ZC2HC1A: variants seen among roughly 807,000 people sequenced by gnomAD.
The protein encoded by ZC2HC1A is zinc finger C2HC domain-containing protein 1A.
A neutral mutation model predicts 40.7 loss-of-function variants in ZC2HC1A; 28 were observed. That is an observed-to-expected ratio of 0.69 (90% CI 0.51 to 0.94). The LOEUF is 0.94. Ranked by LOEUF, ZC2HC1A falls within the 40% of genes least tolerant of loss-of-function variation. ZC2HC1A has a pLI of 0.00. For synonymous variants in ZC2HC1A, 129 were observed against 129.2 expected (o/e 1.00, Z 0.01); for missense variants, 389 against 386.3 (o/e 1.01, Z -0.06).
intron 5 of ZC2HC1A, among the ~76,000 whole-genome samples, chr8:78,697,091 T>G (rs920859942): frequency 1.3e-5 from 2 of 152,212 alleles, no homozygotes; most frequent in Admixed American, 6.5e-5. Context: ...TTCCTCAATT[T>G]GTATAATTCA....
At chr8:78,710,982 A>T (rs181490072) in intron 7 of ZC2HC1A, among the ~76,000 whole-genome samples, 1 of 152,074 alleles carries the variant, frequency 6.6e-6, no homozygotes, top group African/African-American at 2.4e-5. Flanking sequence ...TCAGACACTA[A>T]ACTCCATAAG....
intron 5 of ZC2HC1A, among the ~76,000 whole-genome samples, chr8:78,690,161 T>G (rs1338946502): frequency 4.0e-5 from 6 of 151,534 alleles, no homozygotes; most frequent in Non-Finnish European, 7.4e-5. Flanking sequence ...TTGATTTATA[T>G]CCCTGTCCTT....
chr8:78,708,506 C>T (rs536042081), intron 7 of ZC2HC1A, among the ~76,000 whole-genome samples: 10 of 151,698 alleles, frequency 6.6e-5, no homozygotes, highest in East Asian at 1.9e-4. Context: ...AGTAAGAACT[C>T]GTCTCCATTA....
At chr8:78,709,131 T>C (rs1331165469) in intron 7 of ZC2HC1A, among the ~76,000 whole-genome samples, 1 of 152,200 alleles carries the variant, frequency 6.6e-6, no homozygotes, top group Non-Finnish European at 1.5e-5. Flanking sequence ...AGTGAAACTA[T>C]CAAATATCAG....
intron 4 of ZC2HC1A, 90 bp downstream of exon 4, chr8:78,686,698 C>T (rs903265747): frequency 8.4e-6 from 11 of 1,304,960 alleles, no homozygotes; most frequent in Admixed American, 6.1e-5. Flanking sequence ...GCTTAACTTA[C>T]AATCATGGAG....
chr8:78,705,684 T>C (rs1357569491), intron 7 of ZC2HC1A, among the ~76,000 whole-genome samples: 1 of 152,132 alleles, frequency 6.6e-6, no homozygotes, highest in Non-Finnish European at 1.5e-5. Flanking sequence ...AACTGCTAAG[T>C]TGCCCAAACA....
chr8:78,709,473 C>A (rs1305399132), intron 7 of ZC2HC1A, among the ~76,000 whole-genome samples: 1 of 152,060 alleles, frequency 6.6e-6, no homozygotes, highest in Non-Finnish European at 1.5e-5. Context: ...TTCCAGACCT[C>A]GGTTTCTTAT....
chr8:78,673,723 A>G (rs561345011), intron 1 of ZC2HC1A, among the ~76,000 whole-genome samples: 1 of 152,288 alleles, frequency 6.6e-6, no homozygotes, highest in African/African-American at 2.4e-5. Flanking sequence ...ATCAACACAC[A>G]TGCACATGCC....
intron 5 of ZC2HC1A, among the ~76,000 whole-genome samples, chr8:78,691,821 T>C (rs542785190): frequency 6.6e-6 from 1 of 151,880 alleles, no homozygotes; most frequent in Non-Finnish European, 1.5e-5. Context: ...GTTTCATATA[T>C]GTAACTCTAG....
At chr8:78,673,222 A>G (rs1217827414) in intron 1 of ZC2HC1A, among the ~76,000 whole-genome samples, 1 of 152,140 alleles carries the variant, frequency 6.6e-6, no homozygotes, top group African/African-American at 2.4e-5. Context: ...AGCTTCATCC[A>G]TGTCCCTGCA....
intron 1 of ZC2HC1A, among the ~76,000 whole-genome samples, chr8:78,674,300 G>A (rs1352779343): frequency 2.0e-5 from 3 of 152,154 alleles, no homozygotes; most frequent in African/African-American, 7.2e-5. Flanking sequence ...TTTTAAGCAA[G>A]TATAATATGT....
At chr8:78,697,607 T>C (rs1355053661) in intron 6 of ZC2HC1A, 101 bp downstream of exon 6, 1 of 829,072 alleles carries the variant, frequency 1.2e-6, no homozygotes, top group Non-Finnish European at 1.9e-6. Flanking sequence ...GATAGATTTA[T>C]AATTAAGAAG....
intron 7 of ZC2HC1A, among the ~76,000 whole-genome samples, chr8:78,704,035 C>T: frequency 6.6e-6 from 1 of 152,094 alleles, no homozygotes; most frequent in East Asian, 1.9e-4. Flanking sequence ...TTCTCCTTCA[C>T]TTATGAAGCT....
chr8:78,700,587 G>T lies in ZC2HC1A; in HGVS notation c.704+2074G>T, dbSNP rs1431660812. 2.0e-5 allele frequency among the ~76,000 whole-genome samples: 3 copies of T among 152,148 alleles called. No homozygotes were observed. The East Asian group carries it at 5.8e-4, about 29-fold the overall frequency. On this transcript the variant is annotated intron_variant, in intron 7 of 8. Coordinates refer to ENST00000263849, the MANE Select transcript of ZC2HC1A (RefSeq NM_016010.3). ...CATTATAAAATCTTTGCTGCTGCCT[G>T]TGCCCTGAATGGTATTGGCTAGGTT... is the stretch of plus-strand genomic sequence containing the variant.
chr8:78,678,690 A>G lies in ZC2HC1A; in HGVS notation c.210+11A>G. The G allele has an allele frequency of 6.4e-7, 1 of 1,571,400 alleles. No individual in the cohort carries two copies. The highest frequency in any genetic ancestry group is 1.9e-5 in the Admixed American group (1 of 52,814). On this transcript the variant is annotated intron_variant, in intron 3 of 8. Transcript: ENST00000263849. ...CCTCTCAAACCGAGGGTAACTATAT[A>G]ACCTTTTGAACAGTATGAACTTTGG... is the stretch of plus-strand genomic sequence containing the variant.
chr8:78,684,449 C>G (rs899237263), intron 3 of ZC2HC1A, among the ~76,000 whole-genome samples: 1 of 152,138 alleles, frequency 6.6e-6, no homozygotes, highest in African/African-American at 2.4e-5. Flanking sequence ...AACCTGCCCC[C>G]GTGATTCAAT....
At chr8:78,692,818 G>A in intron 5 of ZC2HC1A, among the ~76,000 whole-genome samples, 1 of 151,940 alleles carries the variant, frequency 6.6e-6, no homozygotes, top group East Asian at 1.9e-4. Context: ...TGCCATGTTG[G>A]TGTGCTGCAC....
In ZC2HC1A at chr8:78,689,336, C is replaced by T. The variant is rs146184464; in HGVS notation, c.467C>T (p.Thr156Ile). ...ATTAGTAATAAAGGGAAATTTTCTA[C>T]AGATACCAAAGGAAAACCAACTTCT... The part of the protein sequence containing the change: ...ARISNKGKFS[T>I]DTKGKPTSRT... Residue 156 changes from threonine (T) to isoleucine (I), a missense_variant, in exon 5 of 9, where the codon ACA becomes ATA. Physicochemically the swap from Thr to Ile is moderately conservative, Grantham distance 89. Coordinates refer to ENST00000263849, the MANE Select transcript of ZC2HC1A (RefSeq NM_016010.3). 8 of 1,600,156 alleles carry T rather than the reference C, an allele frequency of 5.0e-6. No homozygotes were observed. In the South Asian group the frequency reaches 6.8e-5, roughly 14 times the overall value.
chr8:78,668,776 A>G (rs975929093), intron 1 of ZC2HC1A, among the ~76,000 whole-genome samples: 7 of 152,352 alleles, frequency 4.6e-5, no homozygotes, highest in African/African-American at 7.2e-5. Context: ...CACAAAATCT[A>G]TCTAAGGATA....
Sources: gnomAD v4.1 joint callset for allele counts (sites outside exome capture counted in the v4.1 genomes callset) on GRCh38, gnomAD v4.1.1 for gene constraint, MANE v1.5 for transcripts, NCBI Gene and HGNC (gene_info 2026-07-23, HGNC 2026-07-21) for gene names.